The following DNAH1 variants were observed in gnomAD, a reference collection of about 807,000 sequenced individuals.
The protein encoded by DNAH1 is dynein axonemal heavy chain 1.
Under a neutral mutation model 484.3 loss-of-function variants are expected in DNAH1, and 327 were observed. The ratio of observed to expected loss-of-function variants is 0.68; its 90% CI spans 0.62 to 0.74. The LOEUF (loss-of-function observed/expected upper bound fraction) is 0.74. Among genes scored for constraint, DNAH1 ranks in the 30% least tolerant of loss-of-function variants. The pLI is 0.00. For missense variants in DNAH1, 5,052 were observed against 5,546.8 expected (o/e 0.91, Z 2.83); for synonymous variants, 2,192 against 2,191.9 (o/e 1.00, Z 0.00).
Position 52,388,953 on chromosome 3 carries a change from C to A in DNAH1, c.9495+16C>A. 6.3e-7 allele frequency: 1 copy of A among 1,577,408 alleles called. No individual in the cohort carries two copies. Among genetic ancestry groups the A allele is most frequent in the Non-Finnish European group, 8.6e-7 (1 of 1,158,808 alleles). On this transcript the variant is annotated intron_variant, in intron 59 of 77. Transcript: ENST00000420323. ...CCCCTTCACGGTAAGAAGTCCCCACCTCTGTCTCTGACCAGCCTCGCCTTC... is the reference window on the plus strand; with the variant it reads ...CCCCTTCACGGTAAGAAGTCCCCACATCTGTCTCTGACCAGCCTCGCCTTC...
Position 52,322,709 on chromosome 3 carries a change from C to T in DNAH1, c.267C>T (p.Tyr89=), listed in dbSNP as rs1184357117. The change falls in exon 2 of 78, where the codon TAC becomes TAT. Residue 89 remains tyrosine (Y), a synonymous_variant. Coordinates refer to ENST00000420323, the MANE Select transcript of DNAH1 (RefSeq NM_015512.5). ...KSPLTGTDKK[Y]PLMKQRGFYS... ...CCCTGACAGGCACTGATAAGAAGTA[C>T]CCGCTGATGAAGCAGCGTGGGTTCT... The T allele has an allele frequency of 6.2e-7, 1 of 1,613,582 alleles. No homozygotes were observed. Among genetic ancestry groups the T allele is most frequent in the South Asian group, 1.1e-5 (1 of 90,996 alleles).
At position 52,372,089 on chromosome 3, in the gene DNAH1, G is replaced by A. The variant is rs904121299; in HGVS notation, c.6666+3G>A. 6.2e-7 allele frequency: 1 copy of A among 1,613,334 alleles called. No homozygotes were observed. The highest frequency in any genetic ancestry group is 8.5e-7 in the Non-Finnish European group (1 of 1,179,706). ...TGCTGCTCACCAACAAGAAGCCCGT[G>A]AGCACCCCCCCAGGCCCTGCCTCCA... On this transcript the variant is annotated splice_donor_region_variant and intron_variant, in intron 42 of 77. Transcript: ENST00000420323.
intron 12 of DNAH1, 101 bp downstream of exon 12, chr3:52,348,075 C>T (rs1427992536): frequency 4.0e-6 from 5 of 1,264,002 alleles, no homozygotes; most frequent in South Asian, 1.5e-5. Flanking sequence ...TATCACAGGC[C>T]TCCTGTCGGG....
chr3:52,398,101 G>A lies in DNAH1; in HGVS notation c.12028G>A (p.Ala4010Thr), dbSNP rs761749002. 13 of 1,613,862 alleles carry A rather than the reference G, an allele frequency of 8.1e-6. No individual in the cohort carries two copies. In the South Asian group the frequency reaches 1.4e-4, roughly 18 times the overall value. The change falls in exon 75 of 78, where the codon GCC becomes ACC. Residue 4010 changes from alanine (A) to threonine (T), a missense_variant. By Grantham distance (58) the Ala-to-Thr change is moderately conservative. Around this residue, in one of 4 missense-constraint regions of DNAH1, gnomAD observed 853 missense variants for 899.0 expected, o/e 0.95. Transcript: ENST00000420323. Reference protein sequence around the residue: ...PEPINLQWVMAKYPVLYEESM... With the variant: ...PEPINLQWVMTKYPVLYEESM... Reference sequence around the variant, plus strand: ...GCCTATCAACTTGCAATGGGTGATGGCCAAGTACCCAGTGCTGTATGAGGA... The same window carrying A: ...GCCTATCAACTTGCAATGGGTGATGACCAAGTACCCAGTGCTGTATGAGGA...
intron 55 of DNAH1, 147 bp downstream of exon 55, chr3:52,386,492 T>G: frequency 7.5e-7 from 1 of 1,328,176 alleles, no homozygotes; most frequent in Non-Finnish European, 1.0e-6. Context: ...GCACCTGGGT[T>G]GGGGAACAGA....
intron 8 of DNAH1, among the ~76,000 whole-genome samples, chr3:52,333,543 A>T (rs1320961032): frequency 6.6e-6 from 1 of 151,996 alleles, no homozygotes; most frequent in East Asian, 1.9e-4. Flanking sequence ...ACCCGCCACT[A>T]TGCCTGGCTA....
intron 66 of DNAH1, 84 bp downstream of exon 66, chr3:52,393,569 G>A: frequency 6.3e-7 from 1 of 1,575,566 alleles, no homozygotes. Flanking sequence ...GAAAGGGAAA[G>A]CCAGGCATGA....
At chr3:52,387,828 A>G (rs770403686) in intron 56 of DNAH1, among the ~76,000 whole-genome samples, 1 of 152,014 alleles carries the variant, frequency 6.6e-6, no homozygotes, top group Non-Finnish European at 1.5e-5. Flanking sequence ...AGAACCATTC[A>G]CTCATCCCAA....
the DNAH1 span, among the ~76,000 whole-genome samples, chr3:52,310,976 G>A: frequency 2.6e-5 from 4 of 152,210 alleles, no homozygotes; most frequent in Non-Finnish European, 4.4e-5. Flanking sequence ...CTGGTGTTGT[G>A]CAGGGCAGGC....
chr3:52,350,245 G>C, intron 15 of DNAH1, 137 bp downstream of exon 15: 2 of 1,289,552 alleles, frequency 1.6e-6, no homozygotes, highest in Non-Finnish European at 2.1e-6. Context: ...GACAGATGGG[G>C]TTTAGGGGGT....
chr3:52,323,751 G>A, intron 2 of DNAH1, 57 bp from the exon 3 acceptor site: 3 of 1,469,994 alleles, frequency 2.0e-6, no homozygotes, highest in Non-Finnish European at 1.9e-6. Flanking sequence ...TCCCTCCCGG[G>A]TCCTGCCTGT....
Position 52,352,032 on chromosome 3 carries a change from G to T in DNAH1, c.2800G>T (p.Asp934Tyr). ...IELVQQQHVE[D>Y]EEKFRKIQIM... is the part of the protein sequence containing the mutation. ...GCTGGTGCAGCAGCAGCATGTGGAG[G>T]ATGAGGAGAAGTTCCGCAAAATCCA... Residue 934 changes from aspartate (D) to tyrosine (Y), a missense_variant, in exon 17 of 78, where the codon GAT becomes TAT. Asp to Tyr is a radical substitution (Grantham distance 160, BLOSUM62 -3). This residue lies in a region of DNAH1 where 1,263 missense variants were observed against 1,218.8 expected (regional missense o/e 1.04). Transcript: ENST00000420323. 6.3e-7 allele frequency: 1 copy of T among 1,596,812 alleles called. No homozygotes were observed. The highest frequency in any genetic ancestry group is 8.5e-7 in the Non-Finnish European group (1 of 1,171,860).
chr3:52,350,338 G>T (rs1027516977), intron 15 of DNAH1, among the ~76,000 whole-genome samples, 170 bp from the exon 16 acceptor site: 36 of 152,072 alleles, frequency 2.4e-4, no homozygotes, highest in African/African-American at 8.2e-4. Flanking sequence ...GGCTCTAGGA[G>T]CCCTGAGCCT....
chr3:52,400,315 C>A lies in DNAH1; in HGVS notation c.12677-10C>A. Reference sequence around the variant, plus strand: ...ATGACCTAACCCGTCCCCCTCCTTGCCCATTCCAGGAACACTATCAACCAC... The same window carrying A: ...ATGACCTAACCCGTCCCCCTCCTTGACCATTCCAGGAACACTATCAACCAC... On this transcript the variant is annotated splice_polypyrimidine_tract_variant and intron_variant, in intron 77 of 77. Coordinates refer to ENST00000420323, the MANE Select transcript of DNAH1 (RefSeq NM_015512.5). The A allele has an allele frequency of 6.2e-7, 1 of 1,613,890 alleles. No individual in the cohort carries two copies. The highest frequency in any genetic ancestry group is 8.5e-7 in the Non-Finnish European group (1 of 1,179,820).
chr3:52,328,278 T>C (rs1208016918), intron 6 of DNAH1, among the ~76,000 whole-genome samples: 1 of 152,188 alleles, frequency 6.6e-6, no homozygotes, highest in African/African-American at 2.4e-5. Context: ...TAGTAAAATA[T>C]GTACATGCTC....
intron 46 of DNAH1, among the ~76,000 whole-genome samples, chr3:52,376,235 A>C (rs559661858): frequency 2.6e-5 from 4 of 152,298 alleles, no homozygotes; most frequent in Admixed American, 6.5e-5. Context: ...GATAGATGCA[A>C]ATTAAATGCA....
chr3:52,344,625 G>A lies in DNAH1; in HGVS notation c.1422G>A (p.Glu474=). Residue 474 remains glutamate (E), a synonymous_variant, in exon 9 of 78, where the codon GAG becomes GAA. Transcript: ENST00000420323. ...CCTACGTCACCCTCCCCAAGAAGGA[G>A]GAGGAGCAGGTGCCTGAGCGAGGTG... The part of the protein sequence containing the change: ...TFSYVTLPKK[E]EEQVPERGLV... 6.2e-7 allele frequency: 1 copy of A among 1,613,748 alleles called. No homozygotes were observed. The highest frequency in any genetic ancestry group is 1.7e-4 in the Middle Eastern group (1 of 6,048).
At position 52,326,865 on chromosome 3, in the gene DNAH1, A is replaced by G. The variant is rs1489987804; in HGVS notation, c.712A>G (p.Ile238Val). 1.9e-6 allele frequency: 3 copies of G among 1,612,904 alleles called. No individual in the cohort carries two copies. The highest frequency in any genetic ancestry group is 2.2e-5 in the East Asian group (1 of 44,854). Reference sequence around the variant, plus strand: ...AACCATCGAACAGGGCCATGACCCAATCTTCCCCATCTACCTCCCACTGAA... The same window carrying G: ...AACCATCGAACAGGGCCATGACCCAGTCTTCCCCATCTACCTCCCACTGAA... ...PQTIEQGHDP[I>V]FPIYLPLKVF... The change falls in exon 5 of 78, where the codon ATC becomes GTC. Residue 238 changes from isoleucine (I) to valine (V), a missense_variant. Transcript: ENST00000420323.
chr3:52,357,815 G>C (rs1702679838), intron 23 of DNAH1, 80 bp downstream of exon 23: 1 of 1,576,232 alleles, frequency 6.3e-7, no homozygotes, highest in Admixed American at 1.8e-5. Context: ...TCAGGCTAGG[G>C]TGCGGGGATG....
Sources: allele counts gnomAD v4.1 joint callset (sites outside exome capture counted in the v4.1 genomes callset), GRCh38; gene constraint gnomAD v4.1.1; regional missense constraint gnomAD v4.1.1; transcripts MANE v1.5; gene names NCBI Gene and HGNC (gene_info 2026-07-23, HGNC 2026-07-21).